The following KCNK2 variants were observed in gnomAD, a reference collection of about 807,000 sequenced individuals.
KCNK2 encodes potassium channel subfamily K member 2.
In KCNK2, 21 loss-of-function variants were observed where a neutral mutation model predicts 40.5. That is an observed-to-expected ratio of 0.52 (90% confidence interval 0.37 to 0.75). The LOEUF is 0.75. Ranked by LOEUF, KCNK2 falls within the 30% of genes least tolerant of loss-of-function variation. KCNK2 has a pLI of 0.00. For synonymous variants in KCNK2, 191 were observed against 202.2 expected (o/e 0.94, Z 0.47); for missense variants, 399 against 531.6 (o/e 0.75, Z 2.45).
At chr1:215,058,373 G>T (rs1229988196) in intron 1 of KCNK2, among the ~76,000 whole-genome samples, 1 of 152,186 alleles carries the variant, frequency 6.6e-6, no homozygotes, top group African/African-American at 2.4e-5. Flanking sequence ...TAGTTATGCA[G>T]ATTGGAGTTG....
In KCNK2 at chr1:215,107,489, C is replaced by T. The variant is rs76555877; in HGVS notation, c.358-17144C>T. Among the ~76,000 whole-genome samples, 52 of 152,212 alleles carry T rather than the reference C, an allele frequency of 3.4e-4. No homozygotes were observed. In the East Asian group the frequency reaches 9.7e-3, roughly 28 times the overall value. ...CAACAGTGCACAAGTGTTCTAATTT[C>T]TCCACATTATTGACAATATTTGTTA... On this transcript the variant is annotated intron_variant, in intron 2 of 6. Coordinates refer to ENST00000444842, the MANE Select transcript of KCNK2 (RefSeq NM_001017425.3).
intron 1 of KCNK2, among the ~76,000 whole-genome samples, chr1:215,076,476 CTCACTTACATGGCTGTTG>C (rs1658931535): frequency 6.6e-6 from 1 of 152,140 alleles, no homozygotes. Context: ...TGCTTTCAAG[CTCACTTACATGGCTGTTG>C]GAAGGCCTCA....
At chr1:215,174,967 C>T (rs3931584) in intron 5 of KCNK2, among the ~76,000 whole-genome samples, 83,699 of 151,920 alleles carry the variant, frequency 0.55, 25,583 homozygotes, top group Non-Finnish European at 0.68. Context: ...ATTTCTTTCT[C>T]CTGCCTGATT....
At chr1:215,118,388 G>C (rs1430961411) in intron 2 of KCNK2, among the ~76,000 whole-genome samples, 1 of 152,130 alleles carries the variant, frequency 6.6e-6, no homozygotes, top group African/African-American at 2.4e-5. Flanking sequence ...TTGGCAATGA[G>C]AGCATCATTT....
chr1:215,019,938 C>A (rs1656731539), intron 1 of KCNK2, among the ~76,000 whole-genome samples: 1 of 130,044 alleles, frequency 7.7e-6, no homozygotes, highest in Admixed American at 7.6e-5. Flanking sequence ...GGTACATGAG[C>A]AGAGGGACCA....
chr1:215,194,381 C>T (rs1035173685), intron 5 of KCNK2, among the ~76,000 whole-genome samples: 1 of 152,086 alleles, frequency 6.6e-6, no homozygotes, highest in African/African-American at 2.4e-5. Context: ...GTAGTATTAC[C>T]TGCAAATTTC....
At chr1:215,224,329 C>A (rs189333913) in intron 6 of KCNK2, among the ~76,000 whole-genome samples, 7 of 152,020 alleles carry the variant, frequency 4.6e-5, no homozygotes, top group Non-Finnish European at 8.8e-5. Context: ...GGACTCTGGA[C>A]GCTATTCTAT....
intron 1 of KCNK2, among the ~76,000 whole-genome samples, chr1:215,022,152 C>T (rs1001220793): frequency 3.4e-5 from 3 of 88,680 alleles, no homozygotes; most frequent in Non-Finnish European, 8.6e-5. Flanking sequence ...TCTAATCCAT[C>T]TATCTATCCT....
chr1:215,189,394 A>G (rs1213672173), intron 5 of KCNK2, among the ~76,000 whole-genome samples: 4 of 152,140 alleles, frequency 2.6e-5, no homozygotes, highest in African/African-American at 4.8e-5. Flanking sequence ...AGATTTAAAG[A>G]CAATTTCTAA....
At chr1:215,084,686 C>T (rs569643770) in intron 1 of KCNK2, among the ~76,000 whole-genome samples, 1 of 152,224 alleles carries the variant, frequency 6.6e-6, no homozygotes, top group Non-Finnish European at 1.5e-5. Flanking sequence ...TATCTACTAG[C>T]TTGTGGCTTT....
chr1:215,066,106 G>GACAC (rs1244269805), intron 1 of KCNK2, among the ~76,000 whole-genome samples: 1 of 145,166 alleles, frequency 6.9e-6, no homozygotes, highest in African/African-American at 2.6e-5. Flanking sequence ...CACACACCAG[G>GACAC]GCCTGTTGGG....
intron 1 of KCNK2, among the ~76,000 whole-genome samples, chr1:215,045,342 C>T (rs1350708214): frequency 6.6e-6 from 1 of 152,104 alleles, no homozygotes; most frequent in Non-Finnish European, 1.5e-5. Flanking sequence ...AAACCCAATA[C>T]TGGTGTTGGG....
chr1:215,048,412 G>A (rs1056103867), intron 1 of KCNK2, among the ~76,000 whole-genome samples: 1 of 152,146 alleles, frequency 6.6e-6, no homozygotes, highest in Non-Finnish European at 1.5e-5. Context: ...AATGCTTAGT[G>A]ATTAAAGGGA....
chr1:215,083,194 T>TGCCCCCCCCCCCCC lies in KCNK2; in HGVS notation c.-192_-191insGCCCCCCCCCCCCC. ...CCCGCGATTTCGTTTCTTCTCACGCTCCCCCCCCCGCCCCCTCCCGCGTCC... is the reference window on the plus strand; with the variant it reads ...CCCGCGATTTCGTTTCTTCTCACGCTGCCCCCCCCCCCCCCCCCCCCCCGCCCCCTCCCGCGTCC... On this transcript the variant is annotated 5_prime_UTR_variant, in exon 1 of 7. Transcript: ENST00000444842. The TGCCCCCCCCCCCCC allele has an allele frequency of 1.6e-5, 8 of 501,804 alleles. No individual in the cohort carries two copies. The highest frequency in any genetic ancestry group is 1.7e-5 in the Non-Finnish European group (5 of 301,546). 31.1% of individuals were successfully genotyped at this position (501,804 alleles called of 1,614,324 possible).
At chr1:215,017,871 T>C (rs1361610485) in intron 1 of KCNK2, among the ~76,000 whole-genome samples, 1 of 152,130 alleles carries the variant, frequency 6.6e-6, no homozygotes, top group East Asian at 1.9e-4. Context: ...AAATAAATAG[T>C]GTCCAGCAGA....
At chr1:215,024,640 A>T (rs1656931002) in intron 1 of KCNK2, among the ~76,000 whole-genome samples, 1 of 152,256 alleles carries the variant, frequency 6.6e-6, no homozygotes, top group Admixed American at 6.5e-5. Flanking sequence ...AAAGCTTTTC[A>T]TGCCTGAAAT....
At chr1:215,183,531 T>C (rs1664311958) in intron 5 of KCNK2, among the ~76,000 whole-genome samples, 1 of 152,192 alleles carries the variant, frequency 6.6e-6, no homozygotes. Flanking sequence ...TAAGGTCCTA[T>C]GTGCCTATTA....
intron 1 of KCNK2, among the ~76,000 whole-genome samples, chr1:215,076,362 G>A (rs1243038310): frequency 2.0e-5 from 3 of 152,200 alleles, no homozygotes; most frequent in Admixed American, 2.0e-4. Context: ...CAAGAATGCA[G>A]AAGCATCTTA....
At chr1:215,092,781 A>T (rs1322530109) in intron 2 of KCNK2, among the ~76,000 whole-genome samples, 1 of 152,188 alleles carries the variant, frequency 6.6e-6, no homozygotes, top group Admixed American at 6.5e-5. Context: ...GGTGCAAATC[A>T]TCCATTGCAC....
Sources: gnomAD v4.1 joint callset for allele counts (sites outside exome capture counted in the v4.1 genomes callset) on GRCh38, gnomAD v4.1.1 for gene constraint, MANE v1.5 for transcripts, NCBI Gene and HGNC (gene_info 2026-07-23, HGNC 2026-07-21) for gene names.